Variants in PTPN14 observed in about 807,000 individuals in gnomAD.
PTPN14 encodes the protein tyrosine-protein phosphatase non-receptor type 14.
PTPN14 carries 53 observed loss-of-function variants against 126.8 expected under a neutral mutation model. That is an observed-to-expected ratio of 0.42 (90% CI 0.34 to 0.53). PTPN14 has a LOEUF of 0.53. Ranked by LOEUF, PTPN14 falls within the 20% of genes least tolerant of loss-of-function variation. The pLI, the probability that PTPN14 is intolerant of heterozygous loss-of-function variation, is 0.08. For missense variants in PTPN14, 1,257 were observed against 1,552.9 expected, an observed-to-expected ratio of 0.81 and a Z score of 3.20; for synonymous variants, 630 against 599.3, an observed-to-expected ratio of 1.05 and a Z score of -0.75.
At chr1:214,550,427 A>C (rs551973556) in intron 1 of PTPN14, among the ~76,000 whole-genome samples, 2 of 152,316 alleles carry the variant, frequency 1.3e-5, no homozygotes, top group African/African-American at 4.8e-5. Context: ...CAAGAACCCA[A>C]GGAAGTGAGA....
At chr1:214,439,157 C>A (rs4275425) in intron 3 of PTPN14, among the ~76,000 whole-genome samples, 57,162 of 151,954 alleles carry the variant, frequency 0.38, 11,067 homozygotes, top group East Asian at 0.52. Context: ...AATACTAGTT[C>A]TTTGCTGATT....
chr1:214,519,492 A>T (rs1655189872), intron 1 of PTPN14, among the ~76,000 whole-genome samples: 1 of 152,154 alleles, frequency 6.6e-6, no homozygotes, highest in Non-Finnish European at 1.5e-5. Flanking sequence ...ATACTGAAGT[A>T]ACTTCCTAAT....
intron 1 of PTPN14, among the ~76,000 whole-genome samples, chr1:214,488,903 T>C (rs1661172281): frequency 6.6e-6 from 1 of 152,240 alleles, no homozygotes; most frequent in Admixed American, 6.5e-5. Context: ...TTGCAATACA[T>C]TTCATCAAAA....
In PTPN14 at chr1:214,528,530, T is replaced by A. The variant is rs1655457992; in HGVS notation, c.-155+22653A>T. 2.6e-5 allele frequency: 4 copies of A among 152,340 alleles called. No homozygotes were observed. The South Asian group carries it at 8.3e-4, about 32-fold the overall frequency. 9.4% of individuals were successfully genotyped at this position (152,340 alleles called of 1,614,324 possible). On this transcript the variant is annotated intron_variant, in intron 1 of 18. Coordinates refer to ENST00000366956, the MANE Select transcript of PTPN14 (RefSeq NM_005401.5). ...TATTATTCTAAATATATAACATGAT[T>A]ACAGTTATATAATTAATAGAAAGTT...
chr1:214,542,150 AGTAT>A (rs889627996), intron 1 of PTPN14, among the ~76,000 whole-genome samples: 2 of 150,424 alleles, frequency 1.3e-5, no homozygotes, highest in South Asian at 2.1e-4. Context: ...ACACACATAT[AGTAT>A]GTATGTTATA....
In PTPN14 at chr1:214,549,826, G is replaced by A. The variant is rs539037224; in HGVS notation, c.-155+1357C>T. On this transcript the variant is annotated intron_variant, in intron 1 of 18. Transcript: ENST00000366956. ...CAATTAGGGAGGCCTTGGCTCCTCG[G>A]TAAGCTACTTGTGGTTCCCATAAGT... 2.9e-4 allele frequency among the ~76,000 whole-genome samples: 44 copies of A among 152,278 alleles called. 1 individual carries two copies. The highest frequency in any genetic ancestry group is 1.1e-3 in the African/African-American group (44 of 41,552).
intron 1 of PTPN14, among the ~76,000 whole-genome samples, chr1:214,471,041 AAAAC>A (rs200222622): frequency 0.088 from 12,727 of 145,420 alleles, 599 homozygotes; most frequent in South Asian, 0.12. Context: ...AAAAAAAAAC[AAAAC>A]AAAAAAACAA....
intron 1 of PTPN14, among the ~76,000 whole-genome samples, chr1:214,473,541 T>C (rs189391276): frequency 2.0e-5 from 3 of 152,242 alleles, no homozygotes; most frequent in Non-Finnish European, 4.4e-5. Context: ...GTCTTTGGAA[T>C]TTCTCCAGCA....
chr1:214,543,760 A>G (rs1029306157), intron 1 of PTPN14, among the ~76,000 whole-genome samples: 1 of 152,000 alleles, frequency 6.6e-6, no homozygotes, highest in African/African-American at 2.4e-5. Flanking sequence ...CTGGGACTAC[A>G]GGTGCACGCC....
chr1:214,373,302 T>A (rs1397157948), intron 15 of PTPN14, among the ~76,000 whole-genome samples: 1 of 152,116 alleles, frequency 6.6e-6, no homozygotes, highest in African/African-American at 2.4e-5. Context: ...GATACGCCCA[T>A]CTCAGCCTCC....
chr1:214,396,477 C>G (rs944729362), intron 8 of PTPN14, among the ~76,000 whole-genome samples: 1 of 152,244 alleles, frequency 6.6e-6, no homozygotes, highest in Non-Finnish European at 1.5e-5. Context: ...GTGAAGGTCT[C>G]TAGAGATAAG....
At chr1:214,443,994 G>A (rs1351539980) in intron 3 of PTPN14, among the ~76,000 whole-genome samples, 2 of 152,214 alleles carry the variant, frequency 1.3e-5, no homozygotes, top group Admixed American at 1.3e-4. Context: ...GTGAGAGTGG[G>A]AGGGAGGTGG....
chr1:214,454,966 C>T (rs1478424524), intron 2 of PTPN14, among the ~76,000 whole-genome samples: 3 of 151,480 alleles, frequency 2.0e-5, no homozygotes, highest in Non-Finnish European at 4.4e-5. Context: ...CCATCCCCAC[C>T]CTGATTTTTG....
At chr1:214,406,864 C>A (rs1040132626) in intron 5 of PTPN14, among the ~76,000 whole-genome samples, 4 of 152,186 alleles carry the variant, frequency 2.6e-5, no homozygotes, top group African/African-American at 7.2e-5. Flanking sequence ...AGCACCCAAA[C>A]CTGATCTCTT....
intron 2 of PTPN14, among the ~76,000 whole-genome samples, chr1:214,462,465 T>A (rs1456719256): frequency 6.6e-6 from 1 of 152,230 alleles, no homozygotes; most frequent in Non-Finnish European, 1.5e-5. Context: ...CATCCTTGGA[T>A]CTTTGATAAT....
intron 1 of PTPN14, among the ~76,000 whole-genome samples, chr1:214,487,996 T>C (rs948127613): frequency 6.6e-6 from 1 of 152,124 alleles, no homozygotes; most frequent in African/African-American, 2.4e-5. Flanking sequence ...CAGTGCAGAG[T>C]TGGGACCTAA....
At chr1:214,499,355 T>C (rs554129908) in intron 1 of PTPN14, among the ~76,000 whole-genome samples, 477 of 149,122 alleles carry the variant, frequency 3.2e-3, no homozygotes, top group African/African-American at 0.012. Flanking sequence ...ATCAGTAGAA[T>C]GAGTGTGTGG....
At chr1:214,376,067 A>C in intron 15 of PTPN14, 152 bp downstream of exon 15, 2 of 694,036 alleles carry the variant, frequency 2.9e-6, no homozygotes, top group Non-Finnish European at 4.7e-6. Context: ...CTTCCACTTG[A>C]CTAAGAAAAG....
intron 3 of PTPN14, among the ~76,000 whole-genome samples, chr1:214,445,882 T>C (rs757812512): frequency 4.2e-4 from 64 of 152,196 alleles, no homozygotes; most frequent in South Asian, 1.0e-3. Flanking sequence ...ACCATGTGTT[T>C]ATAATGAGCC....
Sources: gnomAD v4.1 joint callset for allele counts (sites outside exome capture counted in the v4.1 genomes callset) on GRCh38, gnomAD v4.1.1 for gene constraint, MANE v1.5 for transcripts, NCBI Gene and HGNC (gene_info 2026-07-23, HGNC 2026-07-21) for gene names.